Variants in SPECC1 observed in about 807,000 individuals in gnomAD.
The protein encoded by SPECC1 is cytospin-B.
Under a neutral mutation model 104.1 loss-of-function variants are expected in SPECC1, and 62 were observed. The ratio of observed to expected loss-of-function variants is 0.60; its 90% confidence interval spans 0.49 to 0.74. SPECC1 has a LOEUF of 0.74. SPECC1 is among the 30% of genes least tolerant of loss of function. The pLI is 0.00. For synonymous variants in SPECC1, 513 were observed against 501.6 expected (o/e 1.02, Z -0.30); for missense variants, 1,306 against 1,310.5 (o/e 1.00, Z 0.05).
chr17:20,063,667 C>T (rs1245905057), intron 1 of SPECC1, among the ~76,000 whole-genome samples: 1 of 152,170 alleles, frequency 6.6e-6, no homozygotes. Context: ...GCATCATTCT[C>T]CTTCACCTCC....
intron 1 of SPECC1, among the ~76,000 whole-genome samples, chr17:20,093,734 T>TTTTTTG (rs1491553699): frequency 0.081 from 2,937 of 36,244 alleles, 65 homozygotes; most frequent in African/African-American, 0.23. Flanking sequence ...TTGTTTTTTG[T>TTTTTTG]TTTTTTTTTT....
At chr17:20,204,108 T>A (rs2036607822) in intron 3 of SPECC1, among the ~76,000 whole-genome samples, 1 of 152,118 alleles carries the variant, frequency 6.6e-6, no homozygotes, top group South Asian at 2.1e-4. Flanking sequence ...GGGGATGGGG[T>A]CATCCTGAGT....
At chr17:20,214,104 G>A (rs1567948605) in intron 4 of SPECC1, among the ~76,000 whole-genome samples, 1 of 152,174 alleles carries the variant, frequency 6.6e-6, no homozygotes, top group Non-Finnish European at 1.5e-5. Context: ...GTGGACTTGG[G>A]TCTTCTGGAT....
chr17:20,288,745 A>T (rs2041047677), intron 12 of SPECC1, among the ~76,000 whole-genome samples: 1 of 150,930 alleles, frequency 6.6e-6, no homozygotes, highest in South Asian at 2.1e-4. Context: ...AGGCCTCAGA[A>T]TCATGGCAGG....
chr17:20,189,953 GT>G (rs1380477608), intron 3 of SPECC1, among the ~76,000 whole-genome samples: 1 of 152,054 alleles, frequency 6.6e-6, no homozygotes, highest in East Asian at 1.9e-4. Flanking sequence ...GAGTAATTTG[GT>G]TCATTTGCAT....
At chr17:20,053,827 T>G (rs2045864161) in intron 1 of SPECC1, among the ~76,000 whole-genome samples, 1 of 152,196 alleles carries the variant, frequency 6.6e-6, no homozygotes, top group South Asian at 2.1e-4. Context: ...GCTAAGCCTA[T>G]CTTAGATTCC....
chr17:20,208,627 G>A (rs1266062409), intron 4 of SPECC1, among the ~76,000 whole-genome samples: 1 of 152,206 alleles, frequency 6.6e-6, no homozygotes, highest in Non-Finnish European at 1.5e-5. Context: ...TGTGACCTTG[G>A]GCAGGCCCCT....
rs1286582338 is a variant in SPECC1, at chr17:20,253,491, C to G, written c.2599-14C>G. 2 of 1,613,710 alleles carry G rather than the reference C, an allele frequency of 1.2e-6. No homozygotes were observed. The highest frequency in any genetic ancestry group is 1.7e-5 in the Admixed American group (1 of 60,016). On this transcript the variant is annotated splice_polypyrimidine_tract_variant and intron_variant, in intron 9 of 14. Transcript: ENST00000395527. ...TATGAGCTCACCGTGCTGGTGTCCC[C>G]CTGGTTTTTACAGAGGCATTCGACT...
intron 2 of SPECC1, among the ~76,000 whole-genome samples, chr17:20,100,541 A>G (rs2047896411): frequency 6.6e-6 from 1 of 152,234 alleles, no homozygotes; most frequent in Non-Finnish European, 1.5e-5. Flanking sequence ...GCTTTATAGG[A>G]AATGGATAGA....
At chr17:20,131,306 C>G (rs1030549646) in intron 3 of SPECC1, among the ~76,000 whole-genome samples, 6 of 152,016 alleles carry the variant, frequency 3.9e-5, no homozygotes, top group Non-Finnish European at 5.9e-5. Flanking sequence ...ATTCTCCTGC[C>G]TTAGCCTCCT....
chr17:20,040,553 T>A (rs547481941), intron 1 of SPECC1, among the ~76,000 whole-genome samples: 1 of 152,224 alleles, frequency 6.6e-6, no homozygotes, highest in Non-Finnish European at 1.5e-5. Context: ...TCTGAGACTG[T>A]CTTGATTTCC....
intron 1 of SPECC1, among the ~76,000 whole-genome samples, chr17:20,038,717 G>A (rs1440409848): frequency 6.6e-6 from 1 of 152,100 alleles, no homozygotes; most frequent in Non-Finnish European, 1.5e-5. Flanking sequence ...TTTTTAGTCA[G>A]TTTATTTCCC....
chr17:20,248,157 C>T (rs1483769700), intron 9 of SPECC1, among the ~76,000 whole-genome samples: 1 of 152,172 alleles, frequency 6.6e-6, no homozygotes, highest in East Asian at 1.9e-4. Context: ...ACCTCTGCTC[C>T]CCTGCCACAG....
Position 20,121,882 on chromosome 17 carries a change from ACTTTAGAAACAATG to A in SPECC1, c.283+11324_283+11337del, listed in dbSNP as rs546005991. On this transcript the variant is annotated intron_variant, in intron 3 of 14. Coordinates refer to ENST00000395527, the MANE Select transcript of SPECC1 (RefSeq NM_001243439.2). ...GTTCTGGTTCTGACAAATGTTTCTG[ACTTTAGAAACAATG>A]CTTGTATTTATTGATTAATTCAACA... 6.4e-3 allele frequency among the ~76,000 whole-genome samples: 981 copies of A among 152,320 alleles called. 15 individuals carry two copies. Among genetic ancestry groups the A allele is most frequent in the Non-Finnish European group, 3.6e-3 (248 of 68,028 alleles).
chr17:20,037,770 G>C (rs1216539318), intron 1 of SPECC1, among the ~76,000 whole-genome samples: 2 of 152,040 alleles, frequency 1.3e-5, no homozygotes, highest in Non-Finnish European at 2.9e-5. Flanking sequence ...TTCAAACAAA[G>C]TTCTATTTTT....
chr17:20,037,761 TCAAA>T (rs746587912), intron 1 of SPECC1, among the ~76,000 whole-genome samples: 1 of 152,174 alleles, frequency 6.6e-6, no homozygotes, highest in African/African-American at 2.4e-5. Flanking sequence ...TCCTTATTCT[TCAAA>T]CAAAGTTCTA....
chr17:20,200,750 G>C (rs2036373082), intron 3 of SPECC1, among the ~76,000 whole-genome samples: 1 of 152,176 alleles, frequency 6.6e-6, no homozygotes, highest in Admixed American at 6.5e-5. Context: ...CTCACATGGT[G>C]GGTGCACAAC....
chr17:20,074,328 A>C (rs1211535419), intron 1 of SPECC1, among the ~76,000 whole-genome samples: 1 of 152,200 alleles, frequency 6.6e-6, no homozygotes, highest in African/African-American at 2.4e-5. Context: ...CAGATGGCAG[A>C]GTTTCAAGCA....
chr17:20,246,080 T>C lies in SPECC1; in HGVS notation c.2497+9T>C, dbSNP rs878975021. On this transcript the variant is annotated intron_variant, in intron 8 of 14. Transcript: ENST00000395527. The stretch of plus-strand genomic sequence containing the variant: ...TGACTTGGGACGCCCAGGTATTTAA[T>C]CATTTTTTCTATAAGCAAAGCTCCA... 3 of 1,613,262 alleles carry C rather than the reference T, an allele frequency of 1.9e-6. No individual in the cohort carries two copies. The highest frequency in any genetic ancestry group is 2.7e-5 in the African/African-American group (2 of 74,924).
Sources: allele counts gnomAD v4.1 joint callset (sites outside exome capture counted in the v4.1 genomes callset), GRCh38; gene constraint gnomAD v4.1.1; transcripts MANE v1.5; gene names NCBI Gene and HGNC (gene_info 2026-07-23, HGNC 2026-07-21).